The following GLIS2 variants were observed in gnomAD, a reference collection of about 807,000 sequenced individuals.
GLIS2 encodes the protein GLIS family zinc finger 2.
A neutral mutation model predicts 35.6 loss-of-function variants in GLIS2; 14 were observed. The ratio of observed to expected loss-of-function variants is 0.39; its 90% CI spans 0.26 to 0.61. GLIS2 has a LOEUF of 0.61. Ranked by LOEUF, GLIS2 falls within the 20% of genes least tolerant of loss-of-function variation. The probability of loss-of-function intolerance (pLI) is 0.48; values close to 1 mark genes in which losing one functional copy is unlikely to be tolerated. For missense variants in GLIS2, 675 were observed against 713.4 expected (o/e 0.95, Z 0.61); for synonymous variants, 368 against 325.1 (o/e 1.13, Z -1.42).
intron 2 of GLIS2, 46 bp from the exon 3 acceptor site, chr16:4,333,301 T>G: frequency 6.2e-7 from 1 of 1,608,894 alleles, no homozygotes; most frequent in Non-Finnish European, 8.5e-7. Context: ...CCTGGCCCAC[T>G]GGGACTCTAC....
chr16:4,322,118 G>A (rs2053385342), intron 1 of GLIS2, among the ~76,000 whole-genome samples: 2 of 151,758 alleles, frequency 1.3e-5, no homozygotes, highest in Admixed American at 6.6e-5. Flanking sequence ...GGGAGGAGCT[G>A]GCACCTGGGA....
Position 4,332,026 on chromosome 16 carries a change from C to T in GLIS2, c.-66-189C>T, listed in dbSNP as rs1177588570. On this transcript the variant is annotated intron_variant, in intron 1 of 6. Coordinates refer to ENST00000433375, the MANE Select transcript of GLIS2 (RefSeq NM_032575.3). This position sits in a 1 kb window ranked among gnomAD's most constrained non-coding sequence, Gnocchi z 5.4. ...CCAAGAGACTCATGGGAAGCAGATG[C>T]GGAATCTCTGAGGAGGCTGTTGGCT... 6.6e-6 allele frequency among the ~76,000 whole-genome samples: 1 copy of T among 152,172 alleles called. No homozygotes were observed. Among genetic ancestry groups the T allele is most frequent in the East Asian group, 1.9e-4 (1 of 5,196 alleles).
chr16:4,332,596 C>T lies in GLIS2; in HGVS notation c.172+144C>T. ...GAAGCCCGCACGCTTGTCCTTCCAT[C>T]CGCCCAGCATCGTATGTCTGCAGGG... is the stretch of plus-strand genomic sequence containing the variant. On this transcript the variant is annotated intron_variant, in intron 2 of 6. Coordinates refer to ENST00000433375, the MANE Select transcript of GLIS2 (RefSeq NM_032575.3). This position sits in a 1 kb window ranked among gnomAD's most constrained non-coding sequence, Gnocchi z 5.4. 1 of 966,276 alleles carries T rather than the reference C, an allele frequency of 1.0e-6. No individual in the cohort carries two copies. Among genetic ancestry groups the T allele is most frequent in the East Asian group, 2.6e-5 (1 of 38,084 alleles). 59.9% of individuals were successfully genotyped at this position (966,276 alleles called of 1,614,324 possible). A position where few individuals can be genotyped will look rare whatever the true frequency, so the allele number is the denominator to read the frequency against.
In GLIS2 at chr16:4,332,210, C is replaced by T; in HGVS notation, c.-66-5C>T. 2 of 1,559,438 alleles carry T rather than the reference C, an allele frequency of 1.3e-6. No homozygotes were observed. The highest frequency in any genetic ancestry group is 1.2e-5 in the South Asian group (1 of 86,810). ...TGCCACAGCACAGCTCCTGTCCTTC[C>T]CCAGGTTCCTGCGTGAAGACCAGCT... On this transcript the variant is annotated splice_region_variant and splice_polypyrimidine_tract_variant and intron_variant, in intron 1 of 6. Transcript: ENST00000433375. This position sits in a 1 kb window ranked among gnomAD's most constrained non-coding sequence, Gnocchi z 5.4.
Position 4,334,968 on chromosome 16 carries a change from C to T in GLIS2, c.513C>T (p.Arg171=). ...DLPLPKQLVC[R]WAKCNQLFEL... ...CCCTGCCCAAGCAGCTGGTGTGTCG[C>T]TGGGCCAAGGTGAGTGGGGGCCAGC... The change falls in exon 4 of 7, where the codon CGC becomes CGT. Residue 171 remains arginine, a synonymous_variant. Coordinates refer to ENST00000433375, the MANE Select transcript of GLIS2 (RefSeq NM_032575.3). 2 of 1,613,258 alleles carry T rather than the reference C, an allele frequency of 1.2e-6. No homozygotes were observed. Among genetic ancestry groups the T allele is most frequent in the Non-Finnish European group, 8.5e-7 (1 of 1,180,030 alleles).
In GLIS2 at chr16:4,332,163, G is replaced by T. The variant is rs2053503615; in HGVS notation, c.-66-52G>T. On this transcript the variant is annotated intron_variant, in intron 1 of 6. Coordinates refer to ENST00000433375, the MANE Select transcript of GLIS2 (RefSeq NM_032575.3). This position sits in a 1 kb window ranked among gnomAD's most constrained non-coding sequence, Gnocchi z 5.4. ...TGTTAGACTGTCATGAGTACAGCCC[G>T]AGGAGAAGCCTGGGGTCTCAGTGCC... 14 of 1,265,004 alleles carry T rather than the reference G, an allele frequency of 1.1e-5. No individual in the cohort carries two copies. In the Admixed American group the frequency reaches 2.4e-4, roughly 21 times the overall value. The allele number at this position is 1,265,004 out of a possible 1,614,324, so 78.4% of individuals were successfully genotyped here.
chr16:4,323,566 G>A (rs1383974049), intron 1 of GLIS2, among the ~76,000 whole-genome samples: 1 of 152,212 alleles, frequency 6.6e-6, no homozygotes, highest in Admixed American at 6.5e-5. Context: ...CTGTGTGAGT[G>A]TGCGTGTGTG....
In GLIS2 at chr16:4,337,253, C is replaced by T. The variant is rs762088067; in HGVS notation, c.1304C>T (p.Ala435Val). The T allele has an allele frequency of 1.9e-6, 3 of 1,548,466 alleles. No individual in the cohort carries two copies. The highest frequency in any genetic ancestry group is 2.6e-6 in the Non-Finnish European group (3 of 1,147,384). The change falls in exon 7 of 7, where the codon GCT becomes GTT. Residue 435 changes from alanine to valine, a missense_variant. This residue lies in a region of GLIS2 where 317 missense variants were observed against 283.2 expected (regional missense o/e 1.12). Coordinates refer to ENST00000433375, the MANE Select transcript of GLIS2 (RefSeq NM_032575.3). The stretch of plus-strand genomic sequence containing the variant: ...GGCTTGCCTGTGGTCTCCCTCCTTG[C>T]TGGCGCAGCTGGTGGCAAGGCCGAG... ...GLGLPVVSLL[A>V]GAAGGKAEGE... is the part of the protein sequence containing the mutation.
At chr16:4,314,780 G>T (rs1379815315), upstream of GLIS2, 1 of 152,312 alleles carries the variant, frequency 6.6e-6, no homozygotes, top group Non-Finnish European at 1.5e-5. Flanking sequence ...ACCTCTAGGG[G>T]ATGCTGATTC....
Position 4,337,514 on chromosome 16 carries a change from TG to T in GLIS2, c.1567del (p.Val523Ter). On this transcript the variant is annotated frameshift_variant, in exon 7 of 7. Coordinates refer to ENST00000433375, the MANE Select transcript of GLIS2 (RefSeq NM_032575.3). LOFTEE classifies it high-confidence loss of function. ...PPGSVLLKPA[V>X]VN ...GGCTCGGTGCTGCTCAAACCGGCTG[TG>T]GTGAACTGAGCCCATCCTGCGGACA... The T allele has an allele frequency of 6.4e-7, 1 of 1,559,256 alleles. No homozygotes were observed. The highest frequency in any genetic ancestry group is 8.6e-7 in the Non-Finnish European group (1 of 1,157,628).
rs886726793 is a variant in GLIS2 at position 4,337,082 on chromosome 16, C to T, written c.1133C>T (p.Pro378Leu). ...TTACCCCTACCCCTGGCCCCCGGCC[C>T]CCTTGACCTCAGTGCCCTGGCCTGT... The part of the protein sequence containing the change: ...PGLPLPLAPG[P>L]LDLSALACGN... The change falls in exon 7 of 7, where the codon CCC becomes CTC. Residue 378 changes from proline to leucine, a missense_variant. Physicochemically the swap from Pro to Leu is moderately conservative, Grantham distance 98. Transcript: ENST00000433375. 1 of 1,537,672 alleles carries T rather than the reference C, an allele frequency of 6.5e-7. No individual in the cohort carries two copies. The highest frequency in any genetic ancestry group is 1.2e-5 in the South Asian group (1 of 83,944).
chr16:4,319,613 C>G (rs2053354054), intron 1 of GLIS2, among the ~76,000 whole-genome samples: 2 of 152,234 alleles, frequency 1.3e-5, no homozygotes, highest in Non-Finnish European at 2.9e-5. Context: ...GTGGCCGCCT[C>G]CGCCCCACCC....
At position 4,337,003 on chromosome 16, in the gene GLIS2, C is replaced by G; in HGVS notation, c.1054C>G (p.Gln352Glu). 6.2e-7 allele frequency: 1 copy of G among 1,606,352 alleles called. No homozygotes were observed. Among genetic ancestry groups the G allele is most frequent in the Non-Finnish European group, 8.5e-7 (1 of 1,178,420 alleles). ...PDGGPYVSGA[Q>E]IIIPNPAALF... Reference sequence around the variant, plus strand: ...CGGCGGCCCCTATGTCAGTGGGGCCCAGATCATCATCCCCAACCCAGCTGC... The same window carrying G: ...CGGCGGCCCCTATGTCAGTGGGGCCGAGATCATCATCCCCAACCCAGCTGC... Residue 352 changes from glutamine to glutamate, a missense_variant, in exon 7 of 7, where the codon CAG (glutamine) becomes GAG (glutamate). Gln to Glu is a conservative substitution (Grantham distance 29). Transcript: ENST00000433375.
intron 1 of GLIS2, among the ~76,000 whole-genome samples, chr16:4,326,254 A>G (rs2053429172): frequency 1.3e-5 from 2 of 152,156 alleles, no homozygotes; most frequent in Admixed American, 6.6e-5. Flanking sequence ...CAAAAAAGAA[A>G]CAAACAAAAA....
At chr16:4,326,268 C>G (rs1034848983) in intron 1 of GLIS2, among the ~76,000 whole-genome samples, 1 of 152,046 alleles carries the variant, frequency 6.6e-6, no homozygotes, top group Admixed American at 6.6e-5. Flanking sequence ...ACAAAAAAAA[C>G]AAAGGTGACC....
intron 1 of GLIS2, among the ~76,000 whole-genome samples, 119 bp downstream of exon 1, chr16:4,316,373 C>T (rs2053312882): frequency 6.7e-6 from 1 of 149,520 alleles, no homozygotes; most frequent in African/African-American, 2.5e-5. Context: ...GCGTCCGCGC[C>T]CCGGGCCATT....
rs755718323 is a variant in GLIS2 at position 4,332,397 on chromosome 16, G to A, written c.117G>A (p.Glu39=). The change falls in exon 2 of 7, where the codon GAG becomes GAA. Residue 39 remains glutamate, a synonymous_variant. Coordinates refer to ENST00000433375, the MANE Select transcript of GLIS2 (RefSeq NM_032575.3). The surrounding 1 kb of genome is among the most constrained non-coding windows in gnomAD (Gnocchi z 5.4). ...GVVRPRALHR[E]LGLVDDSPTP... ...TCCGGCCCCGTGCTCTGCACAGGGA[G>A]CTGGGCCTGGTGGATGACAGCCCCA... is the stretch of plus-strand genomic sequence containing the variant. 2 of 1,612,748 alleles carry A rather than the reference G, an allele frequency of 1.2e-6. No individual in the cohort carries two copies. Among genetic ancestry groups the A allele is most frequent in the South Asian group, 1.1e-5 (1 of 91,088 alleles).
intron 1 of GLIS2, among the ~76,000 whole-genome samples, chr16:4,318,197 C>T (rs748666633): frequency 2.2e-4 from 34 of 152,226 alleles, no homozygotes; most frequent in East Asian, 9.7e-4. Flanking sequence ...CCGGGGAAAG[C>T]CCCTGGCCTG....
rs944004033 is a variant in GLIS2 at position 4,318,992 on chromosome 16, G to A, written c.-67+2738G>A. On this transcript the variant is annotated intron_variant, in intron 1 of 6. Coordinates refer to ENST00000433375, the MANE Select transcript of GLIS2 (RefSeq NM_032575.3). Reference sequence around the variant, plus strand: ...AGCTCTTGTGGGGCATCTTGGGGGGGCTCCTGGGGAGGCACTTTTGTGGGT... The same window carrying A: ...AGCTCTTGTGGGGCATCTTGGGGGGACTCCTGGGGAGGCACTTTTGTGGGT... 2.0e-5 allele frequency among the ~76,000 whole-genome samples: 3 copies of A among 152,236 alleles called. No homozygotes were observed. The South Asian group carries it at 6.2e-4, about 32-fold the overall frequency.
Sources: allele counts gnomAD v4.1 joint callset (sites outside exome capture counted in the v4.1 genomes callset), GRCh38; gene constraint gnomAD v4.1.1; regional missense constraint gnomAD v4.1.1; non-coding constraint Gnocchi (gnomAD v3.1); transcripts MANE v1.5; gene names NCBI Gene and HGNC (gene_info 2026-07-23, HGNC 2026-07-21).